Variants in RYK observed in about 807,000 individuals in gnomAD.
The protein encoded by RYK is receptor like tyrosine kinase, also known as inactive tyrosine-protein kinase RYK.
In RYK, 21 loss-of-function variants were observed where a neutral mutation model predicts 70.2. The ratio of observed to expected loss-of-function variants is 0.30; its 90% CI spans 0.21 to 0.43. RYK has a LOEUF of 0.43. Ranked by LOEUF, RYK falls within the 20% of genes least tolerant of loss-of-function variation. The pLI is 1.00. For missense variants in RYK, 604 were observed against 753.3 expected (o/e 0.80, Z 2.32); for synonymous variants, 267 against 278.0 (o/e 0.96, Z 0.39).
rs139216002 is a variant in RYK at position 134,158,297 on chromosome 3, G to C, written c.1713-33C>G. 2.3e-5 allele frequency: 32 copies of C among 1,406,656 alleles called. No homozygotes were observed. In the African/African-American group the frequency reaches 4.1e-4, roughly 18 times the overall value. The allele number at this position is 1,406,656 out of a possible 1,614,324, so 87.1% of individuals were successfully genotyped here. A position where few individuals can be genotyped will look rare whatever the true frequency, so the allele number is the denominator to read the frequency against. Reference sequence around the variant, plus strand: ...GTGACAAAAATGAAAATTTGGGCTAGTAAGGATACAGTATTCATAACTTTT... The same window carrying C: ...GTGACAAAAATGAAAATTTGGGCTACTAAGGATACAGTATTCATAACTTTT... On this transcript the variant is annotated intron_variant, in intron 14 of 14. Coordinates refer to ENST00000623711, the MANE Select transcript of RYK (RefSeq NM_002958.4).
At chr3:134,247,337 A>C (rs144395034) in intron 1 of RYK, among the ~76,000 whole-genome samples, 284 of 152,344 alleles carry the variant, frequency 1.9e-3, no homozygotes, top group African/African-American at 6.5e-3. Flanking sequence ...GACCTAGCTG[A>C]GGTAGTAGCT....
chr3:134,217,468 T>C (rs772779334), intron 2 of RYK, among the ~76,000 whole-genome samples: 4 of 152,180 alleles, frequency 2.6e-5, no homozygotes, highest in Admixed American at 6.5e-5. Flanking sequence ...AATCTGGGTC[T>C]TAATTTCCTC....
chr3:134,167,231 G>C lies in RYK; in HGVS notation c.1576-7858C>G, dbSNP rs1576501375. On this transcript the variant is annotated intron_variant, in intron 13 of 14. Transcript: ENST00000623711. ...GCCATACTGCCCAAGGTAATTTACAGATTCAAAAACTACTTTAAAGTTCAT... is the reference window on the plus strand; with the variant it reads ...GCCATACTGCCCAAGGTAATTTACACATTCAAAAACTACTTTAAAGTTCAT... Among the ~76,000 whole-genome samples the C allele has an allele frequency of 2.0e-5, 3 of 151,928 alleles. No individual in the cohort carries two copies. The South Asian group carries it at 6.2e-4, about 32-fold the overall frequency.
At position 134,222,487 on chromosome 3, in the gene RYK, A is replaced by G. The variant is rs768168908; in HGVS notation, c.285T>C (p.Ala95=). The change falls in exon 2 of 15, where the codon GCT becomes GCC. Residue 95 remains alanine, a synonymous_variant. Coordinates refer to ENST00000623711, the MANE Select transcript of RYK (RefSeq NM_002958.4). ...TGGGTACTAACAGACTAAAGGATAG[A>G]GCGTAGTGACTAATAAGGTCATTTC... ...YVRNDLISHY[A]LSFSLLVPSE... is the part of the protein sequence containing the mutation. 5 of 1,613,442 alleles carry G rather than the reference A, an allele frequency of 3.1e-6. No individual in the cohort carries two copies. The highest frequency in any genetic ancestry group is 4.2e-6 in the Non-Finnish European group (5 of 1,179,466).
intron 2 of RYK, among the ~76,000 whole-genome samples, chr3:134,215,003 A>G (rs2014510225): frequency 6.6e-6 from 1 of 152,080 alleles, no homozygotes; most frequent in Admixed American, 6.5e-5. Flanking sequence ...TTTACCTTCA[A>G]TCCCTCTCAA....
At chr3:134,196,522 T>C (rs1171479887) in intron 6 of RYK, among the ~76,000 whole-genome samples, 1 of 151,712 alleles carries the variant, frequency 6.6e-6, no homozygotes, top group African/African-American at 2.4e-5. Context: ...GGCAGATCAC[T>C]TTAGTCCAGG....
chr3:134,180,979 A>C (rs1446713201), intron 10 of RYK: 1 of 152,182 alleles, frequency 6.6e-6, no homozygotes, highest in Non-Finnish European at 1.5e-5. Flanking sequence ...AAAACCTTAC[A>C]ATCTAAAACT....
At chr3:134,166,611 T>C (rs945096838) in intron 13 of RYK, among the ~76,000 whole-genome samples, 6 of 152,240 alleles carry the variant, frequency 3.9e-5, no homozygotes, top group African/African-American at 1.2e-4. Flanking sequence ...CTGTTATTTA[T>C]GGCACTTTTT....
At chr3:134,206,255 A>G (rs1426357296) in intron 5 of RYK, among the ~76,000 whole-genome samples, 2 of 152,236 alleles carry the variant, frequency 1.3e-5, no homozygotes, top group Non-Finnish European at 2.9e-5. Context: ...CCTACCATCT[A>G]TGGACTATTC....
At chr3:134,234,399 A>C (rs954876583) in intron 1 of RYK, among the ~76,000 whole-genome samples, 2 of 152,158 alleles carry the variant, frequency 1.3e-5, no homozygotes, top group Non-Finnish European at 2.9e-5. Context: ...CCAAAGAGCA[A>C]AATTTGGCAA....
At chr3:134,227,155 A>G (rs2014931847) in intron 1 of RYK, among the ~76,000 whole-genome samples, 1 of 152,206 alleles carries the variant, frequency 6.6e-6, no homozygotes, top group Non-Finnish European at 1.5e-5. Context: ...ACTAGAAAAT[A>G]AAACTTAAAA....
chr3:134,158,228 T>C lies in RYK; in HGVS notation c.1749A>G (p.Pro583=), dbSNP rs748920153. 3.8e-6 allele frequency: 6 copies of C among 1,576,000 alleles called. No individual in the cohort carries two copies. The highest frequency in any genetic ancestry group is 2.6e-6 in the Non-Finnish European group (3 of 1,159,434). ...AVMACCWALD[P]EERPKFQQLV... is the part of the protein sequence containing the mutation. ...GCTGCTGAAACTTGGGCCTCTCCTC[T>C]GGATCTAAGGCCCAGCAACAGGCCA... The change falls in exon 15 of 15, where the codon CCA becomes CCG. Residue 583 remains proline (P), a synonymous_variant. Coordinates refer to ENST00000623711, the MANE Select transcript of RYK (RefSeq NM_002958.4).
intron 6 of RYK, among the ~76,000 whole-genome samples, chr3:134,195,641 G>T (rs1181245200): frequency 6.6e-6 from 1 of 152,176 alleles, no homozygotes; most frequent in South Asian, 2.1e-4. Flanking sequence ...GTGCCAACAT[G>T]CTCGGAGCTT....
rs150672044 is a variant in RYK, at chr3:134,184,035, T to C, written c.1103-964A>G. ...TCTGTTCTGTTTATACTTCCTAACC[T>C]AACAAACATTACAGGTATAAAATGA... On this transcript the variant is annotated intron_variant, in intron 9 of 14. Transcript: ENST00000623711. Among the ~76,000 whole-genome samples, 448 of 152,316 alleles carry C rather than the reference T, an allele frequency of 2.9e-3. 2 individuals are homozygous for C. Among genetic ancestry groups the C allele is most frequent in the African/African-American group, 6.7e-3 (277 of 41,578 alleles).
chr3:134,169,687 G>A (rs1001136793), intron 13 of RYK, among the ~76,000 whole-genome samples: 3 of 152,134 alleles, frequency 2.0e-5, no homozygotes, highest in Non-Finnish European at 4.4e-5. Context: ...AAACATCAAT[G>A]TATTTCTAAA....
rs532648490 is a variant in RYK, at chr3:134,232,454, TA to T, written c.233-9916del. On this transcript the variant is annotated intron_variant, in intron 1 of 14. Coordinates refer to ENST00000623711, the MANE Select transcript of RYK (RefSeq NM_002958.4). ...GATGCTTGTACCCTCAACAAATAAATATTTATAAGCTGCTGACAATTTAAAG... is the reference window on the plus strand; with the variant it reads ...GATGCTTGTACCCTCAACAAATAAATTTTATAAGCTGCTGACAATTTAAAG... Among the ~76,000 whole-genome samples, 448 of 152,298 alleles carry T rather than the reference TA, an allele frequency of 2.9e-3. 1 individual carries two copies. Among genetic ancestry groups the T allele is most frequent in the African/African-American group, 0.01 (419 of 41,552 alleles).
chr3:134,168,506 CAA>C (rs2012771092), intron 13 of RYK, among the ~76,000 whole-genome samples: 1 of 151,768 alleles, frequency 6.6e-6, no homozygotes, highest in African/African-American at 2.4e-5. Flanking sequence ...TCATTCTCAG[CAA>C]ACTATCGCAA....
chr3:134,172,708 T>C lies in RYK; in HGVS notation c.1575+2901A>G, dbSNP rs534080250. On this transcript the variant is annotated intron_variant, in intron 13 of 14. Transcript: ENST00000623711. Reference sequence around the variant, plus strand: ...AAAAGAATATAACCTGCTTTGCATATTTGTACTGCTTTACTTGGTATGTTT... The same window carrying C: ...AAAAGAATATAACCTGCTTTGCATACTTGTACTGCTTTACTTGGTATGTTT... 1.3e-4 allele frequency among the ~76,000 whole-genome samples: 20 copies of C among 152,366 alleles called. No individual in the cohort carries two copies. The South Asian group carries it at 1.9e-3, about 14-fold the overall frequency.
chr3:134,199,324 C>G (rs1437803425), intron 6 of RYK, among the ~76,000 whole-genome samples: 3 of 152,228 alleles, frequency 2.0e-5, no homozygotes, highest in African/African-American at 7.2e-5. Context: ...TGGGCTCCAT[C>G]TAACCTCACC....
Sources: allele counts gnomAD v4.1 joint callset (sites outside exome capture counted in the v4.1 genomes callset), GRCh38; gene constraint gnomAD v4.1.1; transcripts MANE v1.5; gene names NCBI Gene and HGNC (gene_info 2026-07-23, HGNC 2026-07-21).